IQCH: variants seen among roughly 807,000 people sequenced by gnomAD.
The protein encoded by IQCH is IQ domain-containing protein H.
In IQCH, 98 loss-of-function variants were observed where a neutral mutation model predicts 117.0. The observed-to-expected ratio is 0.84, with a 90% CI of 0.71 to 0.99. The LOEUF (loss-of-function observed/expected upper bound fraction) is 0.99. Ranked by LOEUF, IQCH falls within the 50% of genes least tolerant of loss-of-function variation. IQCH has a pLI of 0.00. For missense variants in IQCH, 1,102 were observed against 1,243.8 expected (o/e 0.89, Z 1.72); for synonymous variants, 412 against 448.2 (o/e 0.92, Z 1.02).
At position 67,416,153 on chromosome 15, in the gene IQCH, C is replaced by T. The variant is rs1040070085; in HGVS notation, c.2098-778C>T. ...ATCCCAACACTTTGGGAGGCCAAGG[C>T]GGGTGGATCACCTGAGGTCAGGAGT... On this transcript the variant is annotated intron_variant, in intron 14 of 20. Transcript: ENST00000335894. The surrounding 1 kb of genome is among the most constrained non-coding windows in gnomAD (Gnocchi z 5.1). 1.2e-4 allele frequency among the ~76,000 whole-genome samples: 18 copies of T among 152,106 alleles called. No homozygotes were observed. The highest frequency in any genetic ancestry group is 4.3e-4 in the African/African-American group (18 of 41,434).
Position 67,432,865 on chromosome 15 carries a change from A to G in IQCH, c.2505+11288A>G, listed in dbSNP as rs529774474. On this transcript the variant is annotated intron_variant, in intron 16 of 20. Transcript: ENST00000335894. This position sits in a 1 kb window ranked among gnomAD's most constrained non-coding sequence, Gnocchi z 5.0. ...TAAATATTTATTTAATGAATGAATG[A>G]ATACTTCTCTAAATCCCCCTCTAGT... 7.0e-4 allele frequency among the ~76,000 whole-genome samples: 107 copies of G among 152,318 alleles called. No homozygotes were observed. Among genetic ancestry groups the G allele is most frequent in the African/African-American group, 2.5e-3 (104 of 41,572 alleles).
At chr15:67,437,781 C>A (rs1596375156) in intron 16 of IQCH, among the ~76,000 whole-genome samples, 1 of 151,978 alleles carries the variant, frequency 6.6e-6, no homozygotes, top group East Asian at 1.9e-4. Flanking sequence ...TAGAATTGAA[C>A]AAGTAGAAGA....
At chr15:67,258,486 G>A (rs1418543644) in intron 1 of IQCH, among the ~76,000 whole-genome samples, 4 of 149,764 alleles carry the variant, frequency 2.7e-5, no homozygotes, top group East Asian at 3.9e-4. Context: ...AGCCAAGATC[G>A]CGCCATTGCA....
rs1969200682 is a variant in IQCH, at chr15:67,342,072, A to C, written c.509-1991A>C. ...GATTGCTTGAAACCGGGAGTTCAAG[A>C]CTAGCCTGGACAATATAGCAAGACC... is the stretch of plus-strand genomic sequence containing the variant. On this transcript the variant is annotated intron_variant, in intron 5 of 20. Coordinates refer to ENST00000335894, the MANE Select transcript of IQCH (RefSeq NM_001031715.3). The surrounding 1 kb of genome is among the most constrained non-coding windows in gnomAD (Gnocchi z 4.7). Among the ~76,000 whole-genome samples the C allele has an allele frequency of 6.6e-6, 1 of 151,994 alleles. No individual in the cohort carries two copies. Among genetic ancestry groups the C allele is most frequent in the Non-Finnish European group, 1.5e-5 (1 of 67,990 alleles).
At chr15:67,489,467 A>G (rs2083587646) in intron 18 of IQCH, among the ~76,000 whole-genome samples, 1 of 150,404 alleles carries the variant, frequency 6.6e-6, no homozygotes, top group Non-Finnish European at 1.5e-5. Flanking sequence ...CTGGACCACC[A>G]TGCTACTTTT....
At chr15:67,487,807 C>T (rs1357131763) in intron 18 of IQCH, among the ~76,000 whole-genome samples, 1 of 152,146 alleles carries the variant, frequency 6.6e-6, no homozygotes, top group Non-Finnish European at 1.5e-5. Context: ...ATTTCTTTTA[C>T]CAAAGCCCCA....
chr15:67,478,271 G>A (rs2083254808), intron 18 of IQCH, among the ~76,000 whole-genome samples: 1 of 152,096 alleles, frequency 6.6e-6, no homozygotes, highest in Non-Finnish European at 1.5e-5. Context: ...TATAATCCCA[G>A]CTACTCAGGA....
intron 6 of IQCH, among the ~76,000 whole-genome samples, chr15:67,352,267 C>T (rs899589272): frequency 6.6e-6 from 1 of 152,168 alleles, no homozygotes; most frequent in East Asian, 1.9e-4. Flanking sequence ...CATCTCCCTC[C>T]TGATGTAACA....
Position 67,364,182 on chromosome 15 carries a change from T to A in IQCH, c.753+4297T>A, listed in dbSNP as rs183688984. The stretch of plus-strand genomic sequence containing the variant: ...AATTTACATTCCCACTGGCAGTGTA[T>A]AAGCATTCCCTTTTCTCTGCAACCT... On this transcript the variant is annotated intron_variant, in intron 8 of 20. Transcript: ENST00000335894. The surrounding 1 kb of genome is among the most constrained non-coding windows in gnomAD (Gnocchi z 4.1). 5.3e-5 allele frequency among the ~76,000 whole-genome samples: 8 copies of A among 152,346 alleles called. No homozygotes were observed. In the East Asian group the frequency reaches 1.5e-3, roughly 29 times the overall value.
At chr15:67,279,832 C>G (rs1342329055) in intron 4 of IQCH, among the ~76,000 whole-genome samples, 1 of 152,104 alleles carries the variant, frequency 6.6e-6, no homozygotes, top group Non-Finnish European at 1.5e-5. Flanking sequence ...AAAACCCCGT[C>G]TCTACTAAAA....
At chr15:67,363,187 A>G (rs1009876623) in intron 8 of IQCH, among the ~76,000 whole-genome samples, 36 of 151,970 alleles carry the variant, frequency 2.4e-4, no homozygotes, top group Non-Finnish European at 4.4e-4. Flanking sequence ...GGAAAAAAAA[A>G]CAAACAAACA....
chr15:67,255,784 C>T lies in IQCH; in HGVS notation c.51+837C>T, dbSNP rs557550588. Among the ~76,000 whole-genome samples the T allele has an allele frequency of 5.9e-5, 9 of 152,296 alleles. No homozygotes were observed. In the South Asian group the frequency reaches 1.9e-3, roughly 32 times the overall value. On this transcript the variant is annotated intron_variant, in intron 1 of 20. Transcript: ENST00000335894. The stretch of plus-strand genomic sequence containing the variant: ...TGGCAGAATTTTGATCTCTTACCTC[C>T]CATCTAGGAGAGACTTCCCTAAATG...
Position 67,490,800 on chromosome 15 carries a change from C to T in IQCH, c.2861+736C>T, listed in dbSNP as rs372136402. Reference sequence around the variant, plus strand: ...TCCTCAGATCCAGTTTCAACCCGGGCGCAGTCTTCTCAAGGTACGCATGCA... The same window carrying T: ...TCCTCAGATCCAGTTTCAACCCGGGTGCAGTCTTCTCAAGGTACGCATGCA... On this transcript the variant is annotated intron_variant, in intron 19 of 20. Transcript: ENST00000335894. The surrounding 1 kb of genome is among the most constrained non-coding windows in gnomAD (Gnocchi z 4.9). 6.6e-6 allele frequency among the ~76,000 whole-genome samples: 1 copy of T among 152,144 alleles called. No individual in the cohort carries two copies. Among genetic ancestry groups the T allele is most frequent in the African/African-American group, 2.4e-5 (1 of 41,432 alleles).
chr15:67,298,924 G>T (rs986246190), intron 4 of IQCH, among the ~76,000 whole-genome samples: 9 of 151,970 alleles, frequency 5.9e-5, no homozygotes. Context: ...TCCCATTTCC[G>T]AAAGAAAGGA....
Position 67,466,174 on chromosome 15 carries a change from G to A in IQCH, c.2676+877G>A, listed in dbSNP as rs1391761417. On this transcript the variant is annotated intron_variant, in intron 17 of 20. Transcript: ENST00000335894. The surrounding 1 kb of genome is among the most constrained non-coding windows in gnomAD (Gnocchi z 4.4). ...GGCCAGAGTCCTGGGGCTGGCTGCG[G>A]GTTACCAACCTCAGCACCCTGAGTA... Among the ~76,000 whole-genome samples the A allele has an allele frequency of 6.6e-6, 1 of 152,184 alleles. No individual in the cohort carries two copies. Among genetic ancestry groups the A allele is most frequent in the East Asian group, 1.9e-4 (1 of 5,182 alleles).
At chr15:67,348,265 A>G (rs1212697841) in intron 6 of IQCH, among the ~76,000 whole-genome samples, 1 of 152,124 alleles carries the variant, frequency 6.6e-6, no homozygotes, top group East Asian at 1.9e-4. Context: ...GTGAGGTAAG[A>G]AAAAGAAACA....
intron 8 of IQCH, 133 bp from the exon 9 acceptor site, chr15:67,371,978 G>T: frequency 1.3e-6 from 1 of 762,028 alleles, no homozygotes; most frequent in Non-Finnish European, 2.1e-6. Context: ...TGACGTGTGT[G>T]TTAAATCAGT....
chr15:67,468,074 G>A (rs777018918), intron 17 of IQCH, among the ~76,000 whole-genome samples: 3 of 152,284 alleles, frequency 2.0e-5, no homozygotes, highest in Non-Finnish European at 2.9e-5. Context: ...CCAGACGTGC[G>A]TGTTTTAGAA....
rs375405113 is a variant in IQCH, at chr15:67,263,191, T to G, written c.244T>G (p.Leu82Val). ...AACGACTTCTGTTAATGATGAGAGC[T>G]TATATACTCCCCAGGCTTCCAAATG... is the stretch of plus-strand genomic sequence containing the variant. ...VLTTSVNDES[L>V]YTPQASKWLL... The change falls in exon 3 of 21, where the codon TTA becomes GTA. Residue 82 changes from leucine to valine, a missense_variant. Physicochemically the swap from Leu to Val is conservative, Grantham distance 32. This residue lies in a region of IQCH where 452 missense variants were observed against 449.6 expected (regional missense o/e 1.01). Coordinates refer to ENST00000335894, the MANE Select transcript of IQCH (RefSeq NM_001031715.3). 1.3e-6 allele frequency: 2 copies of G among 1,567,560 alleles called. No individual in the cohort carries two copies. The highest frequency in any genetic ancestry group is 4.5e-5 in the East Asian group (2 of 44,606).
Sources: allele counts gnomAD v4.1 joint callset (sites outside exome capture counted in the v4.1 genomes callset), GRCh38; gene constraint gnomAD v4.1.1; regional missense constraint gnomAD v4.1.1; non-coding constraint Gnocchi (gnomAD v3.1); transcripts MANE v1.5; gene names NCBI Gene and HGNC (gene_info 2026-07-23, HGNC 2026-07-21).